RSRC1: variants seen among roughly 807,000 people sequenced by gnomAD.
RSRC1 encodes the protein serine/Arginine-related protein 53.
RSRC1 carries 39 observed loss-of-function variants against 49.1 expected under a neutral mutation model. The ratio of observed to expected loss-of-function variants is 0.79; its 90% CI spans 0.61 to 1.04. RSRC1 has a LOEUF of 1.04. Ranked by LOEUF, RSRC1 falls within the 50% of genes least tolerant of loss-of-function variation. The pLI is 0.00. For missense variants in RSRC1, 388 were observed against 402.4 expected, an observed-to-expected ratio of 0.96 and a Z score of 0.31; for synonymous variants, 143 against 130.8, an observed-to-expected ratio of 1.09 and a Z score of -0.63.
At chr3:158,503,073 G>A (rs1391692887) in intron 7 of RSRC1, among the ~76,000 whole-genome samples, 1 of 152,106 alleles carries the variant, frequency 6.6e-6, no homozygotes, top group African/African-American at 2.4e-5. Flanking sequence ...TTTATTCCAT[G>A]GGGTGTTCCT....
intron 6 of RSRC1, among the ~76,000 whole-genome samples, chr3:158,395,027 C>T (rs987367200): frequency 6.6e-6 from 1 of 151,982 alleles, no homozygotes; most frequent in Non-Finnish European, 1.5e-5. Flanking sequence ...AATAAAGCTG[C>T]ACACCTACAA....
rs764876471 is a variant in RSRC1, at chr3:158,142,432, G to A, written c.320+18441G>A. 8.5e-5 allele frequency among the ~76,000 whole-genome samples: 13 copies of A among 152,188 alleles called. No individual in the cohort carries two copies. In the East Asian group the frequency reaches 1.2e-3, roughly 14 times the overall value. On this transcript the variant is annotated intron_variant, in intron 3 of 9. Transcript: ENST00000611884. ...GGAGTAGTTTATTTTTCGTACCAAC[G>A]GTTAGTCCATTCTTGCATCACTTAA... is the stretch of plus-strand genomic sequence containing the variant.
intron 4 of RSRC1, among the ~76,000 whole-genome samples, chr3:158,281,163 G>A (rs1012261246): frequency 6.6e-6 from 1 of 152,128 alleles, no homozygotes; most frequent in Non-Finnish European, 1.5e-5. Flanking sequence ...CTGATAGATT[G>A]TATTTGTAGG....
chr3:158,253,638 A>C (rs1193313503), intron 4 of RSRC1, among the ~76,000 whole-genome samples: 1 of 152,070 alleles, frequency 6.6e-6, no homozygotes, highest in South Asian at 2.1e-4. Context: ...TCTCTACATA[A>C]TCTGTCCAGT....
chr3:158,353,584 T>C (rs1730991792), intron 5 of RSRC1, among the ~76,000 whole-genome samples: 1 of 152,218 alleles, frequency 6.6e-6, no homozygotes, highest in Non-Finnish European at 1.5e-5. Flanking sequence ...TCCTCACTTG[T>C]CTCATCTACC....
chr3:158,231,892 C>G (rs114858210), intron 4 of RSRC1, among the ~76,000 whole-genome samples: 1,640 of 152,128 alleles, frequency 0.011, 9 homozygotes, highest in South Asian at 0.018. Context: ...ACTAACTCTT[C>G]AAGCACAATA....
At chr3:158,468,542 G>A (rs898734048) in intron 7 of RSRC1, among the ~76,000 whole-genome samples, 2 of 152,106 alleles carry the variant, frequency 1.3e-5, no homozygotes, top group Non-Finnish European at 2.9e-5. Flanking sequence ...CAGATTCAGT[G>A]CCATTTACTA....
rs1039960074 is a variant in RSRC1, at chr3:158,298,027, CTTCTA to C, written c.495-9_495-5del. 5 of 1,590,560 alleles carry C rather than the reference CTTCTA, an allele frequency of 3.1e-6. No homozygotes were observed. In the African/African-American group the frequency reaches 6.7e-5, roughly 21 times the overall value. On this transcript the variant is annotated splice_polypyrimidine_tract_variant and splice_region_variant and intron_variant, in intron 4 of 9. Transcript: ENST00000611884. ...TTAGCAACTATTTAGAACTTTTACT[CTTCTA>C]TTTTAGGGAATCTGGAAACATCAAA... is the stretch of plus-strand genomic sequence containing the variant.
chr3:158,144,480 C>T (rs1410390427), intron 3 of RSRC1, among the ~76,000 whole-genome samples: 5 of 152,288 alleles, frequency 3.3e-5, no homozygotes, highest in South Asian at 4.1e-4. Context: ...TTTTTTACGG[C>T]TGCATAGTAT....
intron 7 of RSRC1, among the ~76,000 whole-genome samples, chr3:158,525,736 A>G (rs1352757038): frequency 6.6e-6 from 1 of 151,986 alleles, no homozygotes; most frequent in African/African-American, 2.4e-5. Flanking sequence ...CCACAGATGT[A>G]CCCAACAACA....
intron 5 of RSRC1, among the ~76,000 whole-genome samples, chr3:158,339,208 C>G (rs1192821111): frequency 7.0e-6 from 1 of 143,378 alleles, no homozygotes; most frequent in Non-Finnish European, 1.5e-5. Context: ...AGGAGAATGG[C>G]GTGAACCCGG....
intron 5 of RSRC1, among the ~76,000 whole-genome samples, chr3:158,353,998 T>TTTC (rs1553791543): frequency 7.3e-5 from 10 of 136,820 alleles, no homozygotes; most frequent in Admixed American, 5.1e-4. Context: ...TCTTTTTCTT[T>TTTC]TTTTTTTTTT....
At chr3:158,253,373 T>C (rs1724338819) in intron 4 of RSRC1, among the ~76,000 whole-genome samples, 1 of 152,194 alleles carries the variant, frequency 6.6e-6, no homozygotes, top group African/African-American at 2.4e-5. Flanking sequence ...ATGGTTTGTA[T>C]AGTTTACAAA....
intron 3 of RSRC1, among the ~76,000 whole-genome samples, chr3:158,133,959 A>G (rs1460670853): frequency 1.3e-5 from 2 of 152,208 alleles, no homozygotes; most frequent in African/African-American, 4.8e-5. Context: ...CTGATAAATC[A>G]AAAGTGGATT....
intron 3 of RSRC1, among the ~76,000 whole-genome samples, chr3:158,157,032 G>C (rs1026448405): frequency 6.6e-6 from 1 of 152,142 alleles, no homozygotes; most frequent in African/African-American, 2.4e-5. Context: ...GCAGAGTAAA[G>C]TAAAAAGAGA....
At chr3:158,170,997 G>A (rs140482530) in intron 3 of RSRC1, among the ~76,000 whole-genome samples, 57 of 152,216 alleles carry the variant, frequency 3.7e-4, no homozygotes, top group African/African-American at 1.3e-3. Flanking sequence ...CAGTGATCTG[G>A]GAAAAGTTGC....
intron 3 of RSRC1, among the ~76,000 whole-genome samples, chr3:158,166,847 T>G (rs1451691789): frequency 6.6e-6 from 1 of 152,210 alleles, no homozygotes; most frequent in African/African-American, 2.4e-5. Flanking sequence ...AACACATATT[T>G]TAAGAGAAAG....
intron 4 of RSRC1, among the ~76,000 whole-genome samples, chr3:158,280,751 A>G (rs554129362): frequency 1.3e-4 from 18 of 143,368 alleles, no homozygotes; most frequent in Non-Finnish European, 2.2e-4. Flanking sequence ...GATTCAAACA[A>G]TTCTCCTGCC....
At chr3:158,382,861 G>T (rs1025968987) in intron 6 of RSRC1, among the ~76,000 whole-genome samples, 1 of 151,786 alleles carries the variant, frequency 6.6e-6, no homozygotes, top group South Asian at 2.1e-4. Flanking sequence ...AATTTTTTTG[G>T]AGTTTAATGC....
Sources: gnomAD v4.1 joint callset for allele counts (sites outside exome capture counted in the v4.1 genomes callset) on GRCh38, gnomAD v4.1.1 for gene constraint, MANE v1.5 for transcripts, NCBI Gene and HGNC (gene_info 2026-07-23, HGNC 2026-07-21) for gene names.